STK24: variants seen among roughly 807,000 people sequenced by gnomAD.
STK24 encodes serine/threonine kinase 24.
In STK24, 21 loss-of-function variants were observed where a neutral mutation model predicts 55.6. That is an observed-to-expected ratio of 0.38 (90% CI 0.27 to 0.54). The LOEUF is 0.54. Ranked by LOEUF, STK24 falls within the 20% of genes least tolerant of loss-of-function variation. STK24 has a pLI of 0.79. For synonymous variants in STK24, 200 were observed against 215.2 expected (o/e 0.93, Z 0.62); for missense variants, 383 against 538.4 (o/e 0.71, Z 2.86).
At chr13:98,476,651 G>A (rs1237249117) in intron 3 of STK24, among the ~76,000 whole-genome samples, 4 of 152,188 alleles carry the variant, frequency 2.6e-5, no homozygotes, top group African/African-American at 4.8e-5. Context: ...TTCCACATCC[G>A]GAAGTACTTG....
intron 1 of STK24, among the ~76,000 whole-genome samples, chr13:98,575,690 C>T (rs1167972533): frequency 6.6e-6 from 1 of 152,164 alleles, no homozygotes; most frequent in Non-Finnish European, 1.5e-5. Context: ...CAGTAATCTA[C>T]TTGGATGCTT....
At chr13:98,494,009 A>AT (rs1398978444) in intron 2 of STK24, among the ~76,000 whole-genome samples, 2 of 150,766 alleles carry the variant, frequency 1.3e-5, no homozygotes, top group African/African-American at 2.4e-5. Flanking sequence ...TGCCCGGGTA[A>AT]TTTTTTGTAT....
At chr13:98,501,362 GGGTGGGGC>G (rs1895455064) in intron 2 of STK24, among the ~76,000 whole-genome samples, 1 of 152,222 alleles carries the variant, frequency 6.6e-6, no homozygotes, top group Non-Finnish European at 1.5e-5. Context: ...GGCTAGCCAG[GGGTGGGGC>G]GGGGGCCAGG....
rs1379311600 is a variant in STK24, at chr13:98,463,584, T to C, written c.929+107A>G. The C allele has an allele frequency of 6.7e-6, 7 of 1,048,904 alleles. No individual in the cohort carries two copies. The East Asian group carries it at 2.1e-4, about 32-fold the overall frequency. The allele number at this position is 1,048,904 out of a possible 1,614,324, so 65.0% of individuals were successfully genotyped here. ...ACAATTGCCACCAACCTGGATTGTCTAAAAAAAAAAAAAAACTCAACAGAA... is the reference window on the plus strand; with the variant it reads ...ACAATTGCCACCAACCTGGATTGTCCAAAAAAAAAAAAAAACTCAACAGAA... On this transcript the variant is annotated intron_variant, in intron 7 of 10. Coordinates refer to ENST00000539966, the MANE Select transcript of STK24 (RefSeq NM_001032296.4).
chr13:98,461,355 A>T (rs940247377), intron 8 of STK24, among the ~76,000 whole-genome samples: 1 of 152,258 alleles, frequency 6.6e-6, no homozygotes, highest in Non-Finnish European at 1.5e-5. Flanking sequence ...AAATTGTTTT[A>T]CATAAATATC....
chr13:98,563,471 A>T (rs1897484275), intron 1 of STK24, among the ~76,000 whole-genome samples: 1 of 152,196 alleles, frequency 6.6e-6, no homozygotes, highest in African/African-American at 2.4e-5. Context: ...GGGAAAAAAG[A>T]GCGCAAATCT....
intron 1 of STK24, among the ~76,000 whole-genome samples, chr13:98,538,063 C>A (rs1334645564): frequency 6.6e-6 from 1 of 152,124 alleles, no homozygotes; most frequent in Non-Finnish European, 1.5e-5. Flanking sequence ...ACAACAGACA[C>A]CTGCTTTCTG....
rs148177494 is a variant in STK24 at position 98,461,792 on chromosome 13, C to T, written c.1035G>A (p.Ser345=). 258 of 1,614,064 alleles carry T rather than the reference C, an allele frequency of 1.6e-4. No homozygotes were observed. Among genetic ancestry groups the T allele is most frequent in the African/African-American group, 7.6e-4 (57 of 75,028 alleles). Residue 345 remains serine (S), a synonymous_variant, in exon 8 of 11, where the codon TCG becomes TCA. Transcript: ENST00000539966. ...GACGTACCTTATTTCTGTCCAAGTC[C>T]GATGGCTGAAGAGCTCCATTCTCGA... The part of the protein sequence containing the change: ...KNLENGALQP[S]DLDRNKMKDI...
rs1292366983 is a variant in STK24 at position 98,463,776 on chromosome 13, A to G, written c.844T>C (p.Ser282Pro). ...CTGTCGATGAGCTCGGTCAAGTAGGAAGTTTTCTTTGCATTGCGTAGTATA... is the reference window on the plus strand; with the variant it reads ...CTGTCGATGAGCTCGGTCAAGTAGGGAGTTTTCTTTGCATTGCGTAGTATA... ...KFILRNAKKT[S>P]YLTELIDRYK... The change falls in exon 7 of 11, where the codon TCC becomes CCC. Residue 282 changes from serine (S) to proline (P), a missense_variant. Transcript: ENST00000539966. 50 of 1,614,026 alleles carry G rather than the reference A, an allele frequency of 3.1e-5. No homozygotes were observed. The highest frequency in any genetic ancestry group is 4.1e-5 in the Non-Finnish European group (48 of 1,180,030).
intron 1 of STK24, chr13:98,553,166 G>A (rs963448586): frequency 6.6e-6 from 1 of 152,250 alleles, no homozygotes; most frequent in African/African-American, 2.4e-5. Flanking sequence ...CACCACGGTA[G>A]GCTAAGCTCC....
intron 1 of STK24, among the ~76,000 whole-genome samples, chr13:98,534,935 A>G (rs9517339): frequency 0.18 from 27,717 of 152,234 alleles, 2,611 homozygotes; most frequent in South Asian, 0.25. Context: ...GTCTATTGCA[A>G]TTCCCCTGTC....
intron 2 of STK24, among the ~76,000 whole-genome samples, chr13:98,488,790 C>T (rs949925232): frequency 1.3e-5 from 2 of 152,026 alleles, no homozygotes; most frequent in East Asian, 1.9e-4. Context: ...AGAGGTCACA[C>T]GAACCCACCA....
At chr13:98,459,328 G>A (rs749091154) in intron 9 of STK24, among the ~76,000 whole-genome samples, 8 of 152,226 alleles carry the variant, frequency 5.3e-5, no homozygotes, top group African/African-American at 7.2e-5. Flanking sequence ...TGGCTTCCCC[G>A]ACACCAGCGG....
chr13:98,555,014 CAAAAAAA>C (rs398024117), intron 1 of STK24, among the ~76,000 whole-genome samples: 2 of 88,342 alleles, frequency 2.3e-5, no homozygotes, highest in African/African-American at 4.3e-5. Flanking sequence ...GACTCCAACT[CAAAAAAA>C]AAAAAAAAAA....
rs1411601741 is a variant in STK24 at position 98,446,520 on chromosome 13, C to T, written c.*6653G>A. On this transcript the variant is annotated 3_prime_UTR_variant, in exon 11 of 11. Transcript: ENST00000539966. ...ACCCGGGCCATCACGTACAGGCAAA[C>T]ACTGGCTGCCATGGTCCCTTCCAGG... The T allele has an allele frequency of 6.3e-6, 5 of 797,942 alleles. No individual in the cohort carries two copies. Among genetic ancestry groups the T allele is most frequent in the Non-Finnish European group, 8.1e-6 (4 of 493,400 alleles). The allele number at this position is 797,942 out of a possible 1,614,324, so 49.4% of individuals were successfully genotyped here. A position where few individuals can be genotyped will look rare whatever the true frequency, so the allele number is the denominator to read the frequency against.
At chr13:98,512,423 T>C (rs970068693) in intron 2 of STK24, among the ~76,000 whole-genome samples, 3 of 152,040 alleles carry the variant, frequency 2.0e-5, no homozygotes, top group South Asian at 2.1e-4. Context: ...GCAATTGACT[T>C]AGAGCGAAAC....
At chr13:98,456,997 T>G in intron 10 of STK24, 171 bp downstream of exon 10, 1 of 808,908 alleles carries the variant, frequency 1.2e-6, no homozygotes, top group South Asian at 2.0e-5. Flanking sequence ...TCATTCACAT[T>G]GATTTCTAGA....
At chr13:98,457,074 A>G (rs2139242743) in intron 10 of STK24, 94 bp downstream of exon 10, 1 of 1,453,680 alleles carries the variant, frequency 6.9e-7, no homozygotes, top group South Asian at 1.3e-5. Flanking sequence ...ACAGGAACAG[A>G]CAGGCCAAGA....
At chr13:98,526,770 A>G (rs1896441398) in intron 1 of STK24, among the ~76,000 whole-genome samples, 1 of 152,160 alleles carries the variant, frequency 6.6e-6, no homozygotes, top group Non-Finnish European at 1.5e-5. Flanking sequence ...GCTCCTGGCC[A>G]AGACTTGGGA....
Sources: gnomAD v4.1 joint callset for allele counts (sites outside exome capture counted in the v4.1 genomes callset) on GRCh38, gnomAD v4.1.1 for gene constraint, MANE v1.5 for transcripts, NCBI Gene and HGNC (gene_info 2026-07-23, HGNC 2026-07-21) for gene names.